The following ERCC1 variants were observed in gnomAD, a reference collection of about 807,000 sequenced individuals.
The protein encoded by ERCC1 is ERCC excision repair 1, endonuclease non-catalytic subunit, also known as DNA excision repair protein ERCC-1.
Under a neutral mutation model 37.6 loss-of-function variants are expected in ERCC1, and 36 were observed. The ratio of observed to expected loss-of-function variants is 0.96; its 90% confidence interval spans 0.73 to 1.26. ERCC1 has a LOEUF of 1.26. ERCC1 is among the 50% of genes most tolerant of loss of function. The pLI, the probability that ERCC1 is intolerant of heterozygous loss-of-function variation, is 0.00. For missense variants in ERCC1, 349 were observed against 376.5 expected (o/e 0.93, Z 0.60); for synonymous variants, 156 against 162.1 (o/e 0.96, Z 0.28).
At chr19:45,449,918 C>T (rs572987754) in intron 1 of ERCC1, among the ~76,000 whole-genome samples, 1 of 152,142 alleles carries the variant, frequency 6.6e-6, no homozygotes, top group Admixed American at 6.5e-5. Context: ...GAGCCGAGAT[C>T]ATGCCATTGC....
rs1423944065 is a variant in ERCC1, at chr19:45,408,578, G to A, written c.*1097C>T. 1.2e-6 allele frequency: 2 copies of A among 1,613,768 alleles called. No homozygotes were observed. Among genetic ancestry groups the A allele is most frequent in the Non-Finnish European group, 8.5e-7 (1 of 1,180,016 alleles). On this transcript the variant is annotated 3_prime_UTR_variant, in exon 10 of 10. Transcript: ENST00000300853. ...GGCCCTGGAGGTGGACATGGCTTTGGGGTCGCCAGAAATGGATGTGCGGAA... is the reference window on the plus strand; with the variant it reads ...GGCCCTGGAGGTGGACATGGCTTTGAGGTCGCCAGAAATGGATGTGCGGAA...
At chr19:45,434,984 C>T (rs1396950756) in intron 1 of ERCC1, among the ~76,000 whole-genome samples, 1 of 151,612 alleles carries the variant, frequency 6.6e-6, no homozygotes, top group Non-Finnish European at 1.5e-5. Context: ...GGTTTTTCCA[C>T]GTTGGTCGGG....
At chr19:45,432,252 G>A (rs575175528) in intron 1 of ERCC1, among the ~76,000 whole-genome samples, 69 of 151,574 alleles carry the variant, frequency 4.6e-4, no homozygotes, top group African/African-American at 1.6e-3. Context: ...TTACAGGCAT[G>A]AGCCACCACG....
chr19:45,445,172 AC>A (rs1164042781), intron 1 of ERCC1, among the ~76,000 whole-genome samples: 12 of 152,104 alleles, frequency 7.9e-5, no homozygotes, highest in Non-Finnish European at 1.6e-4. Flanking sequence ...CTGTGCCTCC[AC>A]GCCCAGCTAT....
At chr19:45,443,763 T>G (rs981421593) in intron 1 of ERCC1, among the ~76,000 whole-genome samples, 1 of 151,752 alleles carries the variant, frequency 6.6e-6, no homozygotes, top group African/African-American at 2.4e-5. Context: ...CCTCTTCTGA[T>G]TCACCCTTGT....
chr19:45,436,417 G>C (rs956656667), intron 1 of ERCC1, among the ~76,000 whole-genome samples: 4 of 152,010 alleles, frequency 2.6e-5, no homozygotes, highest in Non-Finnish European at 5.9e-5. Flanking sequence ...ACGAGGTCAA[G>C]AGATCGAGAC....
At chr19:45,434,630 G>C (rs1445508300) in intron 1 of ERCC1, among the ~76,000 whole-genome samples, 1 of 152,046 alleles carries the variant, frequency 6.6e-6, no homozygotes, top group Non-Finnish European at 1.5e-5. Flanking sequence ...CTGTCACCCA[G>C]GCTGGAGTGC....
At chr19:45,450,927 C>T (rs1436535523) in intron 1 of ERCC1, among the ~76,000 whole-genome samples, 1 of 141,508 alleles carries the variant, frequency 7.1e-6, no homozygotes, top group African/African-American at 2.6e-5. Flanking sequence ...GACGCGGTGA[C>T]GCGACGGACT....
At chr19:45,421,034 T>G in intron 3 of ERCC1, 144 bp downstream of exon 3, 1 of 756,178 alleles carries the variant, frequency 1.3e-6, no homozygotes, top group Non-Finnish European at 2.3e-6. Flanking sequence ...ACCCACACAC[T>G]GCTGTCGAAT....
At chr19:45,439,051 T>G (rs1250773071) in intron 1 of ERCC1, among the ~76,000 whole-genome samples, 1 of 151,898 alleles carries the variant, frequency 6.6e-6, no homozygotes, top group Admixed American at 6.6e-5. Context: ...CCAGCCGTTG[T>G]GGCGCATGCC....
intron 1 of ERCC1, 187 bp downstream of exon 1, chr19:45,423,594 C>A (rs1974577282): frequency 7.1e-7 from 1 of 1,402,734 alleles, no homozygotes; most frequent in East Asian, 2.6e-5. Flanking sequence ...CAAGTCCCAT[C>A]GCTCCGCCCC....
Position 45,430,533 on chromosome 19 carries a change from C to A in ERCC1, c.-7-7152G>T, listed in dbSNP as rs371516083. Reference sequence around the variant, plus strand: ...TACATACATCTGGGTCCTGTGGAACCAAAAGCTAGGGAGTGAGTCTCAGCC... The same window carrying A: ...TACATACATCTGGGTCCTGTGGAACAAAAAGCTAGGGAGTGAGTCTCAGCC... On this transcript the variant is annotated intron_variant, in intron 1 of 8. Coordinates refer to the ERCC1 transcript ENST00000423698. 5.7e-4 allele frequency among the ~76,000 whole-genome samples: 86 copies of A among 152,208 alleles called. 1 individual carries two copies. The highest frequency in any genetic ancestry group is 2.0e-3 in the African/African-American group (84 of 41,550).
At chr19:45,410,501 CCATT>C (rs1303285697) in intron 9 of ERCC1, 1 of 151,176 alleles carries the variant, frequency 6.6e-6, no homozygotes, top group Non-Finnish European at 1.5e-5. Flanking sequence ...TTAAAATGTA[CCATT>C]ATTATTGACT....
At chr19:45,451,125 T>G (rs1967108946) in intron 1 of ERCC1, among the ~76,000 whole-genome samples, 1 of 151,920 alleles carries the variant, frequency 6.6e-6, no homozygotes, top group Admixed American at 6.5e-5. Flanking sequence ...GGTTTCCCTT[T>G]AGACAGCCGC....
At position 45,450,887 on chromosome 19, in the gene ERCC1, G is replaced by GCCCC. The variant is rs56670394; in HGVS notation, c.-7-27510_-7-27507dup. Among the ~76,000 whole-genome samples the GCCCC allele has an allele frequency of 3.4e-5, 2 of 59,382 alleles. 1 individual carries two copies. The highest frequency in any genetic ancestry group is 7.3e-5 in the Non-Finnish European group (2 of 27,274). The allele number at this position is 59,382 out of a possible 152,430, so 39.0% of individuals were successfully genotyped here. A position where few individuals can be genotyped will look rare whatever the true frequency, so the allele number is the denominator to read the frequency against. On this transcript the variant is annotated intron_variant, in intron 1 of 8. Coordinates refer to the ERCC1 transcript ENST00000423698. Reference sequence around the variant, plus strand: ...ACGCGGCCGCCGTCTCCGTGCGCCCGCCCCCCCCCCCCCCCCCCACGCCCG... The same window carrying GCCCC: ...ACGCGGCCGCCGTCTCCGTGCGCCCGCCCCCCCCCCCCCCCCCCCCCCACGCCCG...
intron 9 of ERCC1, chr19:45,410,764 C>T (rs959464325): frequency 6.6e-6 from 1 of 152,124 alleles, no homozygotes; most frequent in African/African-American, 2.4e-5. Context: ...GCTTATTTCA[C>T]TTAACATAAT....
At chr19:45,441,473 A>G (rs1975117363) in intron 1 of ERCC1, among the ~76,000 whole-genome samples, 1 of 152,134 alleles carries the variant, frequency 6.6e-6, no homozygotes. Context: ...AGAGATGGTA[A>G]TTTTTAAGTA....
chr19:45,407,935 T>G lies in ERCC1; in HGVS notation c.*1740A>C. 1.7e-6 allele frequency: 1 copy of G among 596,870 alleles called. No individual in the cohort carries two copies. The highest frequency in any genetic ancestry group is 3.5e-5 in the Admixed American group (1 of 28,502). 37.0% of individuals were successfully genotyped at this position (596,870 alleles called of 1,614,324 possible). A position where few individuals can be genotyped will look rare whatever the true frequency, so the allele number is the denominator to read the frequency against. On this transcript the variant is annotated 3_prime_UTR_variant, in exon 10 of 10. Transcript: ENST00000300853. ...TGGGCGTGGTGGCAGGTGCCTGTAA[T>G]CCCAGCTACTTGAGAGGCTGAGGCA...
chr19:45,443,867 C>T (rs1000157911), intron 1 of ERCC1, among the ~76,000 whole-genome samples: 1 of 151,796 alleles, frequency 6.6e-6, no homozygotes, highest in Non-Finnish European at 1.5e-5. Context: ...TTCTCCGAAC[C>T]GGCAAACCTC....
Sources: gnomAD v4.1 joint callset for allele counts (sites outside exome capture counted in the v4.1 genomes callset) on GRCh38, gnomAD v4.1.1 for gene constraint, MANE v1.5 for transcripts, NCBI Gene and HGNC (gene_info 2026-07-23, HGNC 2026-07-21) for gene names.